Variants in PRKN observed in about 807,000 individuals in gnomAD.
PRKN encodes parkin RBR E3 ubiquitin protein ligase, also known as E3 ubiquitin-protein ligase parkin.
PRKN carries 56 observed loss-of-function variants against 59.5 expected under a neutral mutation model. That is an observed-to-expected ratio of 0.94 (90% CI 0.76 to 1.18). The LOEUF (loss-of-function observed/expected upper bound fraction) is 1.18, where lower values mean the gene tolerates loss of function less well. Among genes scored for constraint, PRKN ranks in the 50% most tolerant of loss-of-function variants. The pLI is 0.00. For missense variants in PRKN, 657 were observed against 596.4 expected, an observed-to-expected ratio of 1.10 and a Z score of -1.06; for synonymous variants, 250 against 222.1, an observed-to-expected ratio of 1.13 and a Z score of -1.12.
chr6:161,867,740 C>CATTCATTCATTTATTTATTT (rs377654828), intron 6 of PRKN, among the ~76,000 whole-genome samples: 25 of 137,536 alleles, frequency 1.8e-4, no homozygotes, highest in African/African-American at 7.0e-4. Flanking sequence ...AAAAATCTTT[C>CATTCATTCATTTATTTATTT]ATTTATTTAT....
chr6:162,677,665 G>T (rs1013374546), intron 1 of PRKN, among the ~76,000 whole-genome samples: 1 of 152,024 alleles, frequency 6.6e-6, no homozygotes, highest in African/African-American at 2.4e-5. Flanking sequence ...CTAGTCTGTC[G>T]ATTGCTAGTA....
intron 5 of PRKN, among the ~76,000 whole-genome samples, chr6:161,977,794 A>G (rs570494207): frequency 4.6e-5 from 7 of 150,720 alleles, no homozygotes; most frequent in East Asian, 4.0e-4. Flanking sequence ...TGATCTGCCC[A>G]CCTTGGCCTC....
In PRKN at chr6:161,723,608, C is replaced by G. The variant is rs116679918; in HGVS notation, c.871+62164G>C. Among the ~76,000 whole-genome samples the G allele has an allele frequency of 2.0e-5, 3 of 152,246 alleles. No individual in the cohort carries two copies. In the South Asian group the frequency reaches 6.2e-4, roughly 32 times the overall value. On this transcript the variant is annotated intron_variant, in intron 7 of 11. Transcript: ENST00000366898. ...AACTCAGGGATGAAAGAAAGAAAGA[C>G]AGACACTTTCTTTCACGACTGTAGA... is the stretch of plus-strand genomic sequence containing the variant.
At chr6:161,751,306 A>C (rs896066262) in intron 7 of PRKN, among the ~76,000 whole-genome samples, 11 of 152,348 alleles carry the variant, frequency 7.2e-5, no homozygotes, top group African/African-American at 2.6e-4. Flanking sequence ...AAAGCCAGGA[A>C]TGATTCTTCC....
At chr6:162,127,132 T>C (rs545317886) in intron 4 of PRKN, among the ~76,000 whole-genome samples, 5 of 152,204 alleles carry the variant, frequency 3.3e-5, no homozygotes, top group Admixed American at 1.3e-4. Flanking sequence ...AAGAAATATA[T>C]TGAAATAACT....
In PRKN at chr6:162,720,406, C is replaced by T. The variant is rs1778893646; in HGVS notation, c.7+7256G>A. 5.4e-5 allele frequency among the ~76,000 whole-genome samples: 8 copies of T among 148,674 alleles called. No individual in the cohort carries two copies. The South Asian group carries it at 1.7e-3, about 32-fold the overall frequency. ...GAATCATCAAGAAGCCATCAATACT[C>T]TTAAAAATACACACATCTGTCCATA... On this transcript the variant is annotated intron_variant, in intron 1 of 11. Coordinates refer to ENST00000366898, the MANE Select transcript of PRKN (RefSeq NM_004562.3).
intron 4 of PRKN, among the ~76,000 whole-genome samples, chr6:162,067,911 TA>T: frequency 6.6e-6 from 1 of 152,336 alleles, no homozygotes; most frequent in East Asian, 1.9e-4. Context: ...TTTTAAAAAA[TA>T]CATGTCAAAT....
intron 6 of PRKN, among the ~76,000 whole-genome samples, chr6:161,885,321 C>A (rs955835197): frequency 4.6e-5 from 7 of 152,010 alleles, no homozygotes; most frequent in Non-Finnish European, 1.0e-4. Context: ...TCTGGGTTCA[C>A]AGAGCAGATA....
At chr6:162,176,778 C>T (rs1399316865) in intron 4 of PRKN, among the ~76,000 whole-genome samples, 1 of 152,120 alleles carries the variant, frequency 6.6e-6, no homozygotes, top group Non-Finnish European at 1.5e-5. Flanking sequence ...GAAAAGGTTA[C>T]TATCTGCCAT....
chr6:161,476,726 G>GA (rs1435583247), intron 9 of PRKN, among the ~76,000 whole-genome samples: 2 of 152,210 alleles, frequency 1.3e-5, no homozygotes, highest in African/African-American at 4.8e-5. Flanking sequence ...ATCGATTTCT[G>GA]AGAACACTGG....
chr6:161,671,166 G>A (rs1008583748), intron 7 of PRKN, among the ~76,000 whole-genome samples: 1 of 152,104 alleles, frequency 6.6e-6, no homozygotes, highest in Non-Finnish European at 1.5e-5. Context: ...ATGGGGAGGG[G>A]CTTGTGTCTT....
intron 7 of PRKN, among the ~76,000 whole-genome samples, chr6:161,775,106 T>C (rs1202768100): frequency 6.6e-6 from 1 of 152,204 alleles, no homozygotes; most frequent in African/African-American, 2.4e-5. Context: ...GGAGATTGCA[T>C]GTGGATAGGC....
chr6:161,859,610 C>CATA (rs1793807091), intron 6 of PRKN, among the ~76,000 whole-genome samples: 1 of 90,358 alleles, frequency 1.1e-5, no homozygotes, highest in Non-Finnish European at 2.2e-5. Flanking sequence ...GACTCTCTCT[C>CATA]AAAAAAAAAA....
chr6:161,953,297 G>T (rs981656493), intron 6 of PRKN, among the ~76,000 whole-genome samples: 1 of 152,034 alleles, frequency 6.6e-6, no homozygotes, highest in African/African-American at 2.4e-5. Context: ...TTTTAATAAA[G>T]ACGGGGTTTC....
At chr6:162,538,350 TTG>T (rs1258608835) in intron 1 of PRKN, among the ~76,000 whole-genome samples, 1 of 151,992 alleles carries the variant, frequency 6.6e-6, no homozygotes, top group East Asian at 1.9e-4. Flanking sequence ...TGAGCTGAGA[TTG>T]TGTCACTGCA....
intron 4 of PRKN, among the ~76,000 whole-genome samples, chr6:162,167,005 G>A (rs1783019666): frequency 6.6e-6 from 1 of 152,054 alleles, no homozygotes; most frequent in African/African-American, 2.4e-5. Context: ...AGAGTCTTTG[G>A]TTCTGCTTTT....
At chr6:162,256,762 G>A (rs1779653973) in intron 3 of PRKN, among the ~76,000 whole-genome samples, 1 of 152,160 alleles carries the variant, frequency 6.6e-6, no homozygotes, top group Non-Finnish European at 1.5e-5. Context: ...CGTTAGAAGA[G>A]CACACTGTCC....
At chr6:162,045,649 G>A (rs966262414) in intron 5 of PRKN, among the ~76,000 whole-genome samples, 4 of 152,164 alleles carry the variant, frequency 2.6e-5, no homozygotes, top group Non-Finnish European at 4.4e-5. Context: ...ATAACTTTTT[G>A]AGAGCTAGCT....
chr6:161,675,453 A>G (rs573103401), intron 7 of PRKN, among the ~76,000 whole-genome samples: 11 of 152,344 alleles, frequency 7.2e-5, no homozygotes, highest in African/African-American at 2.6e-4. Flanking sequence ...GCATTTATAG[A>G]GAGGATAATC....
Sources: gnomAD v4.1 joint callset for allele counts (sites outside exome capture counted in the v4.1 genomes callset) on GRCh38, gnomAD v4.1.1 for gene constraint, MANE v1.5 for transcripts, NCBI Gene and HGNC (gene_info 2026-07-23, HGNC 2026-07-21) for gene names.